Variants in TIMD4 observed in about 807,000 individuals in gnomAD.
The protein encoded by TIMD4 is T-cell immunoglobulin and mucin domain-containing protein 4.
In TIMD4, 31 loss-of-function variants were observed where a neutral mutation model predicts 41.2. The ratio of observed to expected loss-of-function variants is 0.75; its 90% CI spans 0.57 to 1.01. TIMD4 has a LOEUF of 1.01. Ranked by LOEUF, TIMD4 falls within the 50% of genes least tolerant of loss-of-function variation. TIMD4 has a pLI of 0.00. For synonymous variants in TIMD4, 204 were observed against 177.1 expected (o/e 1.15, Z -1.21); for missense variants, 479 against 472.5 (o/e 1.01, Z -0.13).
At chr5:156,921,481 GTGA>G (rs982927732) in intron 7 of TIMD4, among the ~76,000 whole-genome samples, 31 of 151,826 alleles carry the variant, frequency 2.0e-4, no homozygotes, top group African/African-American at 7.2e-4. Flanking sequence ...TTAGTCCCGT[GTGA>G]TGGCGTGAAC....
chr5:156,929,314 G>T (rs1201722557), intron 5 of TIMD4, among the ~76,000 whole-genome samples: 1 of 152,170 alleles, frequency 6.6e-6, no homozygotes, highest in Non-Finnish European at 1.5e-5. Context: ...CCCAGAACTT[G>T]GGAGTAAAGC....
Position 156,954,433 on chromosome 5 carries a change from G to A in TIMD4, c.382C>T (p.Arg128Cys), listed in dbSNP as rs141557472. Residue 128 changes from arginine to cysteine, a missense_variant, in exon 2 of 9, where the codon CGC becomes TGC. Transcript: ENST00000274532. ...GWFNDVKINV[R>C]LNLQRASTTT... is the part of the protein sequence containing the mutation. ...TGCTTACCTCTCTGTAGATTCAGGC[G>A]CACGTTTATCTTTACATCGTTGAAC... 30 of 1,613,742 alleles carry A rather than the reference G, an allele frequency of 1.9e-5. No individual in the cohort carries two copies. The highest frequency in any genetic ancestry group is 1.0e-4 in the Admixed American group (6 of 59,996).
chr5:156,954,565 A>C lies in TIMD4; in HGVS notation c.250T>G (p.Tyr84Asp). 1 of 1,614,232 alleles carries C rather than the reference A, an allele frequency of 6.2e-7. No homozygotes were observed. Among genetic ancestry groups the C allele is most frequent in the Non-Finnish European group, 8.5e-7 (1 of 1,180,044 alleles). The change falls in exon 2 of 9, where the codon TAT (tyrosine) becomes GAT (aspartate). Residue 84 changes from tyrosine to aspartate, a missense_variant. Coordinates refer to ENST00000274532, the MANE Select transcript of TIMD4 (RefSeq NM_138379.3). The part of the protein sequence containing the change: ...MRVTSRKSAK[Y>D]RLQGTIPRGD... ...CTCGGGATAGTCCCCTGAAGTCTAT[A>C]TTTTGCTGACTTTCTTGAGGTCACC...
intron 5 of TIMD4, among the ~76,000 whole-genome samples, chr5:156,927,453 C>G (rs1759368534): frequency 2.0e-5 from 3 of 152,160 alleles, no homozygotes; most frequent in Non-Finnish European, 1.5e-5. Flanking sequence ...AGAGATGAGA[C>G]AGGTGAGCAA....
chr5:156,920,593 G>C (rs1759218804), intron 7 of TIMD4, 90 bp from the exon 8 acceptor site: 1 of 1,371,648 alleles, frequency 7.3e-7, no homozygotes, highest in Non-Finnish European at 1.0e-6. Flanking sequence ...GCCCCGCAAA[G>C]AGCAGATATG....
intron 2 of TIMD4, among the ~76,000 whole-genome samples, chr5:156,952,769 G>A (rs532075556): frequency 6.6e-6 from 1 of 152,174 alleles, no homozygotes; most frequent in Non-Finnish European, 1.5e-5. Context: ...TAAACTTTAA[G>A]CACCATGAGG....
rs1454450475 is a variant in TIMD4 at position 156,953,492 on chromosome 5, C to T, written c.400+923G>A. ...CCAACATGGTGAAATCTCATCTCTA[C>T]TAAAAATACAAAATTAGCTGGGTGT... On this transcript the variant is annotated intron_variant, in intron 2 of 8. Coordinates refer to ENST00000274532, the MANE Select transcript of TIMD4 (RefSeq NM_138379.3). Among the ~76,000 whole-genome samples, 12 of 151,956 alleles carry T rather than the reference C, an allele frequency of 7.9e-5. No individual in the cohort carries two copies. The South Asian group carries it at 2.5e-3, about 32-fold the overall frequency.
In TIMD4 at chr5:156,951,810, T is replaced by C; in HGVS notation, c.401-20A>G. 4.3e-6 allele frequency: 7 copies of C among 1,612,660 alleles called. No individual in the cohort carries two copies. Among genetic ancestry groups the C allele is most frequent in the Non-Finnish European group, 4.2e-6 (5 of 1,178,886 alleles). On this transcript the variant is annotated intron_variant, in intron 2 of 8. Transcript: ENST00000274532. ...TTGAGGCTGTAACCAACAACAGACA[T>C]GTTTGGCACCAAGCGGAGATGGAGG...
chr5:156,929,303 T>TC (rs1261313499), intron 5 of TIMD4, among the ~76,000 whole-genome samples: 1 of 152,138 alleles, frequency 6.6e-6, no homozygotes, highest in Non-Finnish European at 1.5e-5. Context: ...GGCAGGAGCC[T>TC]CCCAGAACTT....
intron 5 of TIMD4, among the ~76,000 whole-genome samples, chr5:156,932,026 A>G (rs1759452125): frequency 6.8e-6 from 1 of 147,344 alleles, no homozygotes; most frequent in Non-Finnish European, 1.5e-5. Context: ...CGCTTAGTAT[A>G]GGGAATGAGT....
intron 1 of TIMD4, among the ~76,000 whole-genome samples, chr5:156,955,884 C>T (rs555152069): frequency 6.6e-6 from 1 of 152,222 alleles, no homozygotes; most frequent in East Asian, 1.9e-4. Flanking sequence ...TTATAGGATA[C>T]AATGTGATGT....
intron 5 of TIMD4, among the ~76,000 whole-genome samples, chr5:156,937,343 T>C (rs956306539): frequency 1.3e-5 from 2 of 152,124 alleles, no homozygotes; most frequent in Admixed American, 1.3e-4. Flanking sequence ...CAAAGGGCGT[T>C]TGTACCTTTA....
At position 156,949,649 on chromosome 5, in the gene TIMD4, A is replaced by G. The variant is rs1383945169; in HGVS notation, c.760+2T>C. 1 of 1,609,514 alleles carries G rather than the reference A, an allele frequency of 6.2e-7. No homozygotes were observed. Among genetic ancestry groups the G allele is most frequent in the Admixed American group, 1.7e-5 (1 of 60,004 alleles). ...GGACAGAGAGAGTGAGTGTCTGCAC[A>G]CCTTTGGATGTCAGCAGGACAGTGT... On this transcript the variant is annotated splice_donor_variant, in intron 4 of 8. Coordinates refer to ENST00000274532, the MANE Select transcript of TIMD4 (RefSeq NM_138379.3). LOFTEE classifies it high-confidence loss of function.
chr5:156,920,342 A>G (rs1485991062), intron 8 of TIMD4, 122 bp downstream of exon 8: 8 of 1,125,720 alleles, frequency 7.1e-6, no homozygotes, highest in South Asian at 4.1e-5. Context: ...CTAATGTCAC[A>G]TCTTTCCAAC....
chr5:156,926,328 GA>G lies in TIMD4; in HGVS notation c.845-17del. ...GTATCAGATGCTGGGAAGGAAAAGA[GA>G]AGAAAATGGTTATATGTCTGGTTGG... On this transcript the variant is annotated splice_polypyrimidine_tract_variant and intron_variant, in intron 5 of 8. Transcript: ENST00000274532. 6.2e-7 allele frequency: 1 copy of G among 1,613,262 alleles called. No homozygotes were observed. Among genetic ancestry groups the G allele is most frequent in the Non-Finnish European group, 8.5e-7 (1 of 1,179,460 alleles).
chr5:156,959,186 A>T (rs919074939), intron 1 of TIMD4, among the ~76,000 whole-genome samples: 1 of 152,194 alleles, frequency 6.6e-6, no homozygotes, highest in African/African-American at 2.4e-5. Flanking sequence ...TCTTATTAAA[A>T]ATTAATATAA....
rs1293588754 is a variant in TIMD4 at position 156,954,447 on chromosome 5, ACAT to A, written c.365_367del (p.Asp122del). 1.9e-6 allele frequency: 3 copies of A among 1,614,110 alleles called. No individual in the cohort carries two copies. Among genetic ancestry groups the A allele is most frequent in the Non-Finnish European group, 2.5e-6 (3 of 1,179,998 alleles). On this transcript the variant is annotated inframe_deletion, in exon 2 of 9. Coordinates refer to ENST00000274532, the MANE Select transcript of TIMD4 (RefSeq NM_138379.3). The stretch of plus-strand genomic sequence containing the variant: ...TAGATTCAGGCGCACGTTTATCTTT[ACAT>A]CGTTGAACCAGCCAGGCACTTCTAT...
chr5:156,961,536 CT>C (rs1753043377), intron 1 of TIMD4, among the ~76,000 whole-genome samples: 1 of 152,110 alleles, frequency 6.6e-6, no homozygotes, highest in African/African-American at 2.4e-5. Flanking sequence ...GGTGCGGTGA[CT>C]CACGCCTATA....
At chr5:156,955,511 C>T (rs563494808) in intron 1 of TIMD4, among the ~76,000 whole-genome samples, 1 of 152,196 alleles carries the variant, frequency 6.6e-6, no homozygotes, top group South Asian at 2.1e-4. Context: ...AAAAAATTAG[C>T]CGGGCGTGGT....
Sources: allele counts gnomAD v4.1 joint callset (sites outside exome capture counted in the v4.1 genomes callset), GRCh38; gene constraint gnomAD v4.1.1; transcripts MANE v1.5; gene names NCBI Gene and HGNC (gene_info 2026-07-23, HGNC 2026-07-21).